CELSR2: variants seen among roughly 807,000 people sequenced by gnomAD.
CELSR2 encodes cadherin EGF LAG seven-pass G-type receptor 2, also known as EGF-like protein 2.
In CELSR2, 81 loss-of-function variants were observed where a neutral mutation model predicts 251.6. The observed-to-expected ratio is 0.32, with a 90% CI of 0.27 to 0.39. CELSR2 has a LOEUF of 0.39. Ranked by LOEUF, CELSR2 falls within the 10% of genes least tolerant of loss-of-function variation. The pLI, the probability that CELSR2 is intolerant of heterozygous loss-of-function variation, is 1.00. For missense variants in CELSR2, 3,365 were observed against 3,947.7 expected, an observed-to-expected ratio of 0.85 and a Z score of 3.96; for synonymous variants, 1,721 against 1,670.5, an observed-to-expected ratio of 1.03 and a Z score of -0.74.
chr1:109,264,116 A>C lies in CELSR2; in HGVS notation c.5040A>C (p.Thr1680=), dbSNP rs377023561. Residue 1680 remains threonine, a synonymous_variant, in exon 10 of 34, where the codon ACA becomes ACC. Transcript: ENST00000271332. ...ACGTGATGCTGAGCGTGGAGGGCAC[A>C]GGGCTTCAGGCCTCCTCTCTCCGTC... The part of the protein sequence containing the change: ...EGHVMLSVEG[T]GLQASSLRLE... 222 of 1,598,766 alleles carry C rather than the reference A, an allele frequency of 1.4e-4. 1 individual carries two copies. The highest frequency in any genetic ancestry group is 1.7e-4 in the Non-Finnish European group (194 of 1,168,674).
Position 109,269,610 on chromosome 1 carries a change from C to T in CELSR2, c.6980+19C>T, listed in dbSNP as rs972441386. On this transcript the variant is annotated intron_variant, in intron 21 of 33. Coordinates refer to ENST00000271332, the MANE Select transcript of CELSR2 (RefSeq NM_001408.3). The surrounding 1 kb of genome is among the most constrained non-coding windows in gnomAD (Gnocchi z 6.4). ...CAATCCTGTGAGCCTGCACTGCCCT[C>T]GCCCCCTCAGGCTTCGGGCTGAAAG... The T allele has an allele frequency of 1.2e-5, 19 of 1,613,626 alleles. No homozygotes were observed. Among genetic ancestry groups the T allele is most frequent in the Admixed American group, 1.7e-5 (1 of 60,012 alleles).
At chr1:109,255,709 C>T (rs1289807733) in intron 1 of CELSR2, among the ~76,000 whole-genome samples, 1 of 152,222 alleles carries the variant, frequency 6.6e-6, no homozygotes, top group East Asian at 1.9e-4. Context: ...CTTTTCTGTC[C>T]AGGAAGACAG....
chr1:109,257,714 G>A (rs148401127), intron 1 of CELSR2, among the ~76,000 whole-genome samples: 59 of 152,232 alleles, frequency 3.9e-4, no homozygotes, highest in Admixed American at 6.5e-4. Flanking sequence ...TCTGCCTTCC[G>A]GTCCCCCACC....
intron 15 of CELSR2, among the ~76,000 whole-genome samples, chr1:109,266,860 C>G (rs1294396192): frequency 6.6e-6 from 1 of 151,240 alleles, no homozygotes; most frequent in Non-Finnish European, 1.5e-5. Flanking sequence ...GCTGGTACTA[C>G]AGGCGTGTGC....
At chr1:109,270,339 C>T in intron 23 of CELSR2, 87 bp from the exon 24 acceptor site, 1 of 1,475,854 alleles carries the variant, frequency 6.8e-7, no homozygotes, top group Non-Finnish European at 9.3e-7. Flanking sequence ...TTCCCAACAC[C>T]CAGGCCCTCC....
intron 25 of CELSR2, 55 bp from the exon 26 acceptor site, chr1:109,271,162 T>C (rs945094306): frequency 6.3e-7 from 1 of 1,575,300 alleles, no homozygotes; most frequent in Non-Finnish European, 8.7e-7. Flanking sequence ...CCCTGTGGGC[T>C]GGGTGGAAGC....
In CELSR2 at chr1:109,258,733, C is replaced by G; in HGVS notation, c.3612C>G (p.Asp1204Glu). The change falls in exon 2 of 34, where the codon GAC (aspartate) becomes GAG (glutamate). Residue 1204 changes from aspartate to glutamate, a missense_variant. Physicochemically the swap from Asp to Glu is conservative, Grantham distance 45. This residue lies in a region of CELSR2 where 2,093 missense variants were observed against 2,382.8 expected (regional missense o/e 0.88). Transcript: ENST00000271332. ...GGCCGCCCTTCCTGCCCTCTGAGGA[C>G]CTGCAGGAGCGCCTATACCTCAACC... ...GGGPPFLPSE[D>E]LQERLYLNRS... is the part of the protein sequence containing the mutation. 1.3e-6 allele frequency: 2 copies of G among 1,562,820 alleles called. No individual in the cohort carries two copies. The highest frequency in any genetic ancestry group is 2.4e-5 in the East Asian group (1 of 42,046).
intron 11 of CELSR2, 92 bp downstream of exon 11, chr1:109,264,720 A>C: frequency 6.3e-7 from 1 of 1,575,492 alleles, no homozygotes; most frequent in Non-Finnish European, 8.7e-7. Flanking sequence ...GGGGCATCAC[A>C]CCACCTCTCT....
At chr1:109,265,419 C>T (rs779480900) in intron 13 of CELSR2, 108 bp downstream of exon 13, 52 of 1,267,848 alleles carry the variant, frequency 4.1e-5, no homozygotes, top group Middle Eastern at 3.9e-4. Flanking sequence ...GAGCTGAGGG[C>T]CTTGTGCCTT....
Position 109,251,492 on chromosome 1 carries a change from C to T in CELSR2, c.1413C>T (p.Thr471=). The part of the protein sequence containing the change: ...PLDYETTKEY[T]LRVRAQDGGR... ...ACTATGAGACGACCAAGGAGTACAC[C>T]CTACGGGTGCGAGCACAGGATGGTG... Residue 471 remains threonine (T), a synonymous_variant, in exon 1 of 34, where the codon ACC becomes ACT. Coordinates refer to ENST00000271332, the MANE Select transcript of CELSR2 (RefSeq NM_001408.3). This position sits in a 1 kb window ranked among gnomAD's most constrained non-coding sequence, Gnocchi z 4.9. The T allele has an allele frequency of 3.1e-6, 5 of 1,613,734 alleles. No individual in the cohort carries two copies. Among genetic ancestry groups the T allele is most frequent in the Non-Finnish European group, 4.2e-6 (5 of 1,180,024 alleles).
Position 109,251,483 on chromosome 1 carries a change from G to T in CELSR2, c.1404G>T (p.Lys468Asn). 7 of 1,613,796 alleles carry T rather than the reference G, an allele frequency of 4.3e-6. No homozygotes were observed. Among genetic ancestry groups the T allele is most frequent in the Non-Finnish European group, 5.9e-6 (7 of 1,180,022 alleles). The stretch of plus-strand genomic sequence containing the variant: ...GCCCTCTTGACTATGAGACGACCAA[G>T]GAGTACACCCTACGGGTGCGAGCAC... ...VVSPLDYETT[K>N]EYTLRVRAQD... The change falls in exon 1 of 34, where the codon AAG becomes AAT. Residue 468 changes from lysine to asparagine, a missense_variant. Lys to Asn is a moderately conservative substitution (Grantham distance 94, BLOSUM62 0). Transcript: ENST00000271332. The surrounding 1 kb of genome is among the most constrained non-coding windows in gnomAD (Gnocchi z 4.9).
intron 16 of CELSR2, 84 bp downstream of exon 16, chr1:109,267,726 G>T (rs977349286): frequency 1.2e-5 from 19 of 1,563,002 alleles, no homozygotes; most frequent in Non-Finnish European, 1.5e-5. Flanking sequence ...TGAGAACGGG[G>T]CTTCTGGAAT....
Position 109,264,493 on chromosome 1 carries a change from C to T in CELSR2, c.5329C>T (p.Leu1777=). ...CGATACGCCGGAGGGGGTTAACAGCCTGGATCCCAGCCATGGGGAGAGCAT... is the reference window on the plus strand; with the variant it reads ...CGATACGCCGGAGGGGGTTAACAGCTTGGATCCCAGCCATGGGGAGAGCAT... The part of the protein sequence containing the change: ...VSDTPEGVNS[L]DPSHGESINV... Residue 1777 remains leucine, a synonymous_variant, in exon 11 of 34, where the codon CTG becomes TTG. Transcript: ENST00000271332. 1 of 1,614,056 alleles carries T rather than the reference C, an allele frequency of 6.2e-7. No homozygotes were observed. Among genetic ancestry groups the T allele is most frequent in the Non-Finnish European group, 8.5e-7 (1 of 1,179,970 alleles).
chr1:109,258,778 C>T lies in CELSR2; in HGVS notation c.3657C>T (p.Ile1219=), dbSNP rs1557730082. 4 of 1,603,688 alleles carry T rather than the reference C, an allele frequency of 2.5e-6. No homozygotes were observed. The highest frequency in any genetic ancestry group is 3.4e-6 in the Non-Finnish European group (4 of 1,175,410). ...TCAACCGCAGCCTGCTGACGGCCAT[C>T]TCGGCACAGCGCGTGCTGCCCTTCG... ...LYLNRSLLTA[I]SAQRVLPFDD... Residue 1219 remains isoleucine, a synonymous_variant, in exon 2 of 34, where the codon ATC becomes ATT. Coordinates refer to ENST00000271332, the MANE Select transcript of CELSR2 (RefSeq NM_001408.3).
chr1:109,270,873 C>A, intron 24 of CELSR2, 54 bp from the exon 25 acceptor site: 1 of 1,351,054 alleles, frequency 7.4e-7, no homozygotes, highest in Non-Finnish European at 1.0e-6. Context: ...CGCAGCCCTA[C>A]TTCCCAGGCC....
rs774507398 is a variant in CELSR2, at chr1:109,251,987, C to T, written c.1908C>T (p.Asp636=). 3.7e-6 allele frequency: 6 copies of T among 1,614,130 alleles called. No individual in the cohort carries two copies. In the East Asian group the frequency reaches 1.1e-4, roughly 30 times the overall value. ...GCGTGGTGACGGTGTCAGCTGTGGA[C>T]CGTGATGCTCATAGTGTCATCACCT... The part of the protein sequence containing the change: ...GTSVVTVSAV[D]RDAHSVITYQ... The change falls in exon 1 of 34, where the codon GAC becomes GAT. Residue 636 remains aspartate (D), a synonymous_variant. Transcript: ENST00000271332. The surrounding 1 kb of genome is among the most constrained non-coding windows in gnomAD (Gnocchi z 4.9).
chr1:109,250,412 C>T lies in CELSR2; in HGVS notation c.333C>T (p.Pro111=), dbSNP rs142746289. The T allele has an allele frequency of 0.012, 18,876 of 1,613,660 alleles. 162 individuals carry two copies. The highest frequency in any genetic ancestry group is 0.014 in the Non-Finnish European group (16,493 of 1,180,026). The change falls in exon 1 of 34, where the codon CCC becomes CCT. Residue 111 remains proline (P), a synonymous_variant. Transcript: ENST00000271332. The surrounding 1 kb of genome is among the most constrained non-coding windows in gnomAD (Gnocchi z 4.4). ...IPLPPAPEGC[P]WSCRLLGIGG... ...TACCACCAGCTCCTGAAGGCTGCCC[C>T]TGGAGCTGTCGCCTCCTGGGCATTG...
chr1:109,270,208 G>T, intron 23 of CELSR2, 75 bp downstream of exon 23: 2 of 1,488,394 alleles, frequency 1.3e-6, no homozygotes, highest in Non-Finnish European at 9.3e-7. Context: ...GGCAACCCCT[G>T]CTCCTGCACC....
chr1:109,264,836 G>A, intron 11 of CELSR2, 32 bp from the exon 12 acceptor site: 1 of 1,613,768 alleles, frequency 6.2e-7, no homozygotes, highest in Non-Finnish European at 8.5e-7. Context: ...GGAGGGTGGG[G>A]GAATGAGCCT....
Sources: gnomAD v4.1 joint callset for allele counts (sites outside exome capture counted in the v4.1 genomes callset) on GRCh38, gnomAD v4.1.1 for gene constraint, gnomAD v4.1.1 regional missense constraint, Gnocchi (gnomAD v3.1) non-coding constraint, MANE v1.5 for transcripts, NCBI Gene and HGNC (gene_info 2026-07-23, HGNC 2026-07-21) for gene names.